RGL1: variants seen among roughly 807,000 people sequenced by gnomAD.
RGL1 encodes ral guanine nucleotide dissociation stimulator-like 1.
RGL1 carries 24 observed loss-of-function variants against 95.2 expected under a neutral mutation model. The observed-to-expected ratio is 0.25, with a 90% CI of 0.18 to 0.35. RGL1 has a LOEUF of 0.35. Ranked by LOEUF, RGL1 falls within the 10% of genes least tolerant of loss-of-function variation. The probability of loss-of-function intolerance (pLI) is 1.00; values close to 1 mark genes in which losing one functional copy is unlikely to be tolerated. For synonymous variants in RGL1, 329 were observed against 344.9 expected (o/e 0.95, Z 0.51); for missense variants, 715 against 936.3 (o/e 0.76, Z 3.08).
At chr1:183,674,290 C>G (rs1652673551) in intron 1 of RGL1, among the ~76,000 whole-genome samples, 1 of 152,132 alleles carries the variant, frequency 6.6e-6, no homozygotes, top group African/African-American at 2.4e-5. Context: ...ATATTGATAA[C>G]ATTTGTACCT....
intron 4 of RGL1, among the ~76,000 whole-genome samples, chr1:183,876,389 C>T (rs941582252): frequency 2.0e-5 from 3 of 152,240 alleles, no homozygotes; most frequent in African/African-American, 7.2e-5. Context: ...CCAAGAATGC[C>T]TGAGGTAGAA....
At position 183,902,598 on chromosome 1, in the gene RGL1, A is replaced by C; in HGVS notation, c.1348A>C (p.Arg450=). 4.3e-6 allele frequency: 7 copies of C among 1,610,294 alleles called. No homozygotes were observed. The highest frequency in any genetic ancestry group is 5.9e-6 in the Non-Finnish European group (7 of 1,178,816). Residue 450 remains arginine, a splice_region_variant and synonymous_variant, in exon 12 of 18, where the codon AGG becomes CGG. Transcript: ENST00000360851. ...GGLINFEKRR[R]EFEVIAQIKL... Reference sequence around the variant, plus strand: ...ACTGATAAACTTTGAGAAAAGGAGAAGGGTAAGTAGAGTTGTTGGCTGTGT... The same window carrying C: ...ACTGATAAACTTTGAGAAAAGGAGACGGGTAAGTAGAGTTGTTGGCTGTGT...
intron 2 of RGL1, among the ~76,000 whole-genome samples, chr1:183,808,725 T>G (rs770657401): frequency 1.1e-4 from 16 of 151,998 alleles, no homozygotes; most frequent in Non-Finnish European, 1.9e-4. Context: ...AACAACCTTC[T>G]GAGGAAGGTG....
At chr1:183,723,546 G>C (rs1460838399) in intron 1 of RGL1, among the ~76,000 whole-genome samples, 1 of 152,230 alleles carries the variant, frequency 6.6e-6, no homozygotes, top group Non-Finnish European at 1.5e-5. Context: ...TTGGAACTCA[G>C]TGCTGCTCTG....
chr1:183,696,725 T>C (rs964899369), intron 1 of RGL1, among the ~76,000 whole-genome samples: 1 of 152,204 alleles, frequency 6.6e-6, no homozygotes, highest in African/African-American at 2.4e-5. Flanking sequence ...CCCCAAAAAC[T>C]GTTCCACTCA....
chr1:183,757,101 A>G (rs1658387462), intron 2 of RGL1, among the ~76,000 whole-genome samples: 1 of 148,042 alleles, frequency 6.8e-6, no homozygotes, highest in Non-Finnish European at 1.5e-5. Context: ...TCAATGTTTT[A>G]CAAGAATACC....
rs1669684995 is a variant in RGL1 at position 183,927,596 on chromosome 1, A to T, written c.*1304A>T. The T allele has an allele frequency of 6.6e-6, 1 of 152,554 alleles. No individual in the cohort carries two copies. The highest frequency in any genetic ancestry group is 2.1e-4 in the South Asian group (1 of 4,826). 9.5% of individuals were successfully genotyped at this position (152,554 alleles called of 1,614,324 possible). The stretch of plus-strand genomic sequence containing the variant: ...TGCTTGCTATCACAGTATCATTGTT[A>T]AGTGACACTTTTGTCTCTCATAACA... On this transcript the variant is annotated 3_prime_UTR_variant, in exon 18 of 18. Transcript: ENST00000360851.
intron 2 of RGL1, among the ~76,000 whole-genome samples, chr1:183,845,199 T>C (rs1664337605): frequency 6.6e-6 from 1 of 152,236 alleles, no homozygotes; most frequent in Non-Finnish European, 1.5e-5. Flanking sequence ...AACTTGCGAT[T>C]CAGATAAACC....
intron 1 of RGL1, among the ~76,000 whole-genome samples, chr1:183,702,713 G>A (rs535630897): frequency 7.9e-5 from 12 of 152,296 alleles, no homozygotes; most frequent in Admixed American, 6.5e-4. Context: ...AGGCATTCGA[G>A]GCTGGACCAA....
chr1:183,679,458 C>G (rs1401947777), intron 1 of RGL1, among the ~76,000 whole-genome samples: 1 of 138,566 alleles, frequency 7.2e-6, no homozygotes, highest in African/African-American at 2.7e-5. Flanking sequence ...CATTGTTCAA[C>G]TGTCACTTAT....
At chr1:183,729,858 C>T (rs7514445) in intron 1 of RGL1, among the ~76,000 whole-genome samples, 70,799 of 151,392 alleles carry the variant, frequency 0.47, 17,270 homozygotes, top group East Asian at 0.76. Context: ...GAAAGAAGAC[C>T]GAAAAAAAAG....
Position 183,793,894 on chromosome 1 carries a change from C to T in RGL1, c.133-12481C>T, listed in dbSNP as rs989710536. Among the ~76,000 whole-genome samples, 4 of 152,048 alleles carry T rather than the reference C, an allele frequency of 2.6e-5. No homozygotes were observed. The East Asian group carries it at 7.7e-4, about 29-fold the overall frequency. ...ACCATGCGATCCAGCAATGTCACTA[C>T]TGGGTATTTATCCAAAGGAAAGGAA... On this transcript the variant is annotated intron_variant, in intron 2 of 18. Transcript: ENST00000304685.
At chr1:183,821,380 A>G (rs1662480370) in intron 2 of RGL1, among the ~76,000 whole-genome samples, 1 of 152,226 alleles carries the variant, frequency 6.6e-6, no homozygotes, top group Non-Finnish European at 1.5e-5. Context: ...GAATGTCATT[A>G]TTGTAAAACT....
intron 3 of RGL1, among the ~76,000 whole-genome samples, chr1:183,856,107 A>G (rs938974204): frequency 5.9e-5 from 9 of 152,166 alleles, no homozygotes; most frequent in Admixed American, 1.3e-4. Context: ...CTTCCTTTCT[A>G]GCTTAACATA....
intron 2 of RGL1, among the ~76,000 whole-genome samples, chr1:183,789,755 A>G (rs983211540): frequency 2.0e-5 from 3 of 152,020 alleles, no homozygotes; most frequent in African/African-American, 7.2e-5. Flanking sequence ...ACAAGAAGGA[A>G]TTTTCTTTGT....
At chr1:183,710,161 C>T (rs1043794890) in intron 1 of RGL1, 1 of 216,050 alleles carries the variant, frequency 4.6e-6, no homozygotes, top group Admixed American at 4.7e-5. Flanking sequence ...GTTGCTCACG[C>T]TTCATGGCTC....
chr1:183,865,724 TA>T (rs1665786638), intron 3 of RGL1, among the ~76,000 whole-genome samples: 1 of 152,204 alleles, frequency 6.6e-6, no homozygotes, highest in Admixed American at 6.5e-5. Flanking sequence ...CACTCTAATC[TA>T]AAAAAGTCAA....
chr1:183,869,990 T>C (rs1031879098), intron 4 of RGL1, among the ~76,000 whole-genome samples: 1 of 152,216 alleles, frequency 6.6e-6, no homozygotes, highest in Non-Finnish European at 1.5e-5. Flanking sequence ...GGGGAGGCTA[T>C]TGGCAACTCA....
intron 1 of RGL1, among the ~76,000 whole-genome samples, chr1:183,691,989 T>C (rs1653970171): frequency 6.6e-6 from 1 of 151,548 alleles, no homozygotes; most frequent in Admixed American, 6.6e-5. Flanking sequence ...GATCTAATCT[T>C]ATTTATTGAA....
Sources: allele counts gnomAD v4.1 joint callset (sites outside exome capture counted in the v4.1 genomes callset), GRCh38; gene constraint gnomAD v4.1.1; transcripts MANE v1.5; gene names NCBI Gene and HGNC (gene_info 2026-07-23, HGNC 2026-07-21).